NAALADL2: variants seen among roughly 807,000 people sequenced by gnomAD.
The protein encoded by NAALADL2 is inactive N-acetylated-alpha-linked acidic dipeptidase-like protein 2.
A neutral mutation model predicts 87.2 loss-of-function variants in NAALADL2; 76 were observed. That is an observed-to-expected ratio of 0.87 (90% confidence interval 0.72 to 1.05). NAALADL2 has a LOEUF of 1.05. Ranked by LOEUF, NAALADL2 falls within the 50% of genes least tolerant of loss-of-function variation. The pLI is 0.00. For synonymous variants in NAALADL2, 354 were observed against 331.0 expected (o/e 1.07, Z -0.75); for missense variants, 1,089 against 945.8 (o/e 1.15, Z -1.99).
chr3:174,592,978 A>C, intron 2 of NAALADL2, among the ~76,000 whole-genome samples: 1 of 152,094 alleles, frequency 6.6e-6, no homozygotes, highest in South Asian at 2.1e-4. Context: ...AGTGAGAAAG[A>C]GACAGAGGTT....
At chr3:175,298,655 C>A (rs1000577344) in intron 4 of NAALADL2, among the ~76,000 whole-genome samples, 9 of 152,108 alleles carry the variant, frequency 5.9e-5, no homozygotes, top group African/African-American at 2.2e-4. Flanking sequence ...TTGTTATTTT[C>A]TTTCCAGTGG....
rs149478052 is a variant in NAALADL2 at position 175,617,035 on chromosome 3, T to C, written c.1801-10256T>C. 8.7e-4 allele frequency among the ~76,000 whole-genome samples: 133 copies of C among 152,216 alleles called. 1 individual carries two copies. In the East Asian group the frequency reaches 0.023, roughly 26 times the overall value. On this transcript the variant is annotated intron_variant, in intron 10 of 13. Coordinates refer to ENST00000454872, the MANE Select transcript of NAALADL2 (RefSeq NM_207015.3). ...GGAGTCATGAGGATGGTAGTTCCCA[T>C]AGGAACTAAAATATCCCCACCTAGC...
chr3:174,606,357 C>T lies in NAALADL2; in HGVS notation c.-115+55720C>T, dbSNP rs370038488. Among the ~76,000 whole-genome samples the T allele has an allele frequency of 7.9e-5, 12 of 151,984 alleles. No homozygotes were observed. The South Asian group carries it at 1.0e-3, about 13-fold the overall frequency. ...CGAGTTGAGAGAAGAAGGCTTCAGA[C>T]GATCAAACTACTCTGAGCTACAGGA... On this transcript the variant is annotated intron_variant, in intron 2 of 3. Transcript: ENST00000434257.
chr3:175,206,907 T>C (rs920094819), intron 2 of NAALADL2, among the ~76,000 whole-genome samples: 2 of 152,068 alleles, frequency 1.3e-5, no homozygotes, highest in African/African-American at 2.4e-5. Context: ...CTTTAAAGAT[T>C]GAACTCATGA....
At chr3:174,720,909 G>A (rs554382636) in intron 2 of NAALADL2, among the ~76,000 whole-genome samples, 7 of 152,086 alleles carry the variant, frequency 4.6e-5, no homozygotes, top group Admixed American at 3.9e-4. Flanking sequence ...GAAATGAAGC[G>A]CACAAAATGT....
At chr3:175,774,592 T>C (rs1234870108) in intron 13 of NAALADL2, among the ~76,000 whole-genome samples, 1 of 151,916 alleles carries the variant, frequency 6.6e-6, no homozygotes, top group African/African-American at 2.4e-5. Flanking sequence ...TAATTCTAAA[T>C]AATTTTTTTA....
At position 174,927,886 on chromosome 3, in the gene NAALADL2, C is replaced by T. The variant is rs370003403; in HGVS notation, c.43+68436C>T. On this transcript the variant is annotated intron_variant, in intron 1 of 13. Transcript: ENST00000454872. ...AGCATAACTAAAGGAGATAGAGACA[C>T]AAAAAACCCTTCAAAAAATCAATGA... Among the ~76,000 whole-genome samples, 57 of 152,126 alleles carry T rather than the reference C, an allele frequency of 3.7e-4. No homozygotes were observed. The East Asian group carries it at 0.01, about 27-fold the overall frequency.
chr3:175,076,985 A>T (rs1716726508), intron 1 of NAALADL2, among the ~76,000 whole-genome samples: 1 of 152,226 alleles, frequency 6.6e-6, no homozygotes, highest in Non-Finnish European at 1.5e-5. Flanking sequence ...GATGACTGTA[A>T]TTAAGTGCAG....
chr3:175,662,536 G>A lies in NAALADL2; in HGVS notation c.1896+35150G>A, dbSNP rs142858276. Among the ~76,000 whole-genome samples, 492 of 152,042 alleles carry A rather than the reference G, an allele frequency of 3.2e-3. 2 individuals carry two copies. The highest frequency in any genetic ancestry group is 5.2e-3 in the Non-Finnish European group (351 of 67,884). ...ACTTCCAGTACTAAGTTGAGTAAAAGCGGTGAAAGTGAACATCCTTCTCAT... is the reference window on the plus strand; with the variant it reads ...ACTTCCAGTACTAAGTTGAGTAAAAACGGTGAAAGTGAACATCCTTCTCAT... On this transcript the variant is annotated intron_variant, in intron 11 of 13. Transcript: ENST00000454872.
rs114445195 is a variant in NAALADL2 at position 175,444,251 on chromosome 3, A to G, written c.1091-2978A>G. Among the ~76,000 whole-genome samples, 327 of 152,326 alleles carry G rather than the reference A, an allele frequency of 2.1e-3. 3 individuals carry two copies. Among genetic ancestry groups the G allele is most frequent in the African/African-American group, 7.5e-3 (313 of 41,572 alleles). ...ATGATAGACAGCACATTGTGCATCA[A>G]TATTATTTCATTATCTCATGCACAT... On this transcript the variant is annotated intron_variant, in intron 5 of 13. Transcript: ENST00000454872.
chr3:174,897,053 T>TA (rs1238141545), intron 1 of NAALADL2, among the ~76,000 whole-genome samples: 1 of 152,202 alleles, frequency 6.6e-6, no homozygotes, highest in African/African-American at 2.4e-5. Context: ...GACTTTAAAC[T>TA]ATGAAAACTA....
rs545670029 is a variant in NAALADL2, at chr3:175,586,388, A to G, written c.1800+10201A>G. On this transcript the variant is annotated intron_variant, in intron 10 of 13. Transcript: ENST00000454872. Reference sequence around the variant, plus strand: ...TCTTCATGAAAGTTTTGGCTTTTACATTAGTCTCAAGAGGGCTGCAGTTGT... The same window carrying G: ...TCTTCATGAAAGTTTTGGCTTTTACGTTAGTCTCAAGAGGGCTGCAGTTGT... Among the ~76,000 whole-genome samples the G allele has an allele frequency of 2.0e-5, 3 of 152,072 alleles. No homozygotes were observed. In the South Asian group the frequency reaches 6.2e-4, roughly 31 times the overall value.
intron 2 of NAALADL2, among the ~76,000 whole-genome samples, chr3:175,180,702 A>C (rs1163974152): frequency 6.6e-6 from 1 of 151,222 alleles, no homozygotes; most frequent in South Asian, 2.1e-4. Flanking sequence ...CATAATCATA[A>C]ATATCATTAG....
At chr3:174,926,583 G>A (rs1736074306) in intron 1 of NAALADL2, among the ~76,000 whole-genome samples, 1 of 152,034 alleles carries the variant, frequency 6.6e-6, no homozygotes, top group Non-Finnish European at 1.5e-5. Context: ...TTTCAACCCA[G>A]AATTTCATAT....
intron 1 of NAALADL2, among the ~76,000 whole-genome samples, chr3:174,498,600 C>T (rs1315871443): frequency 1.3e-5 from 2 of 149,938 alleles, no homozygotes; most frequent in African/African-American, 4.9e-5. Context: ...ATTATAGTTT[C>T]TTTAAAAGAT....
At chr3:174,968,899 G>C (rs1743237844) in intron 1 of NAALADL2, among the ~76,000 whole-genome samples, 1 of 152,120 alleles carries the variant, frequency 6.6e-6, no homozygotes, top group African/African-American at 2.4e-5. Context: ...TTTAAATAAG[G>C]AAAGAAAATT....
At chr3:175,606,402 T>C (rs1194660942) in intron 10 of NAALADL2, among the ~76,000 whole-genome samples, 5 of 151,442 alleles carry the variant, frequency 3.3e-5, no homozygotes, top group Admixed American at 6.6e-5. Context: ...TTTTTTTGTA[T>C]ATGAAAACGC....
At chr3:174,781,920 GT>G (rs11318176) in intron 3 of NAALADL2, among the ~76,000 whole-genome samples, 1,778 of 152,164 alleles carry the variant, frequency 0.012, 34 homozygotes, top group African/African-American at 0.041. Context: ...CTTTATTGAT[GT>G]AAATATAAAG....
At chr3:174,917,003 C>A (rs554242154) in intron 1 of NAALADL2, among the ~76,000 whole-genome samples, 2 of 152,096 alleles carry the variant, frequency 1.3e-5, no homozygotes, top group East Asian at 3.9e-4. Flanking sequence ...GTTCATCATC[C>A]TTGGTACACC....
Sources: gnomAD v4.1 joint callset for allele counts (sites outside exome capture counted in the v4.1 genomes callset) on GRCh38, gnomAD v4.1.1 for gene constraint, MANE v1.5 for transcripts, NCBI Gene and HGNC (gene_info 2026-07-23, HGNC 2026-07-21) for gene names.